The following PIGL variants were observed in gnomAD, a reference collection of about 807,000 sequenced individuals.
The protein encoded by PIGL is N-acetylglucosaminyl-phosphatidylinositol de-N-acetylase.
Under a neutral mutation model 31.1 loss-of-function variants are expected in PIGL, and 22 were observed. The ratio of observed to expected loss-of-function variants is 0.71; its 90% CI spans 0.51 to 1.01. The LOEUF (loss-of-function observed/expected upper bound fraction) is 1.01, where lower values mean the gene tolerates loss of function less well. Ranked by LOEUF, PIGL falls within the 50% of genes least tolerant of loss-of-function variation. The pLI is 0.00. For missense variants in PIGL, 302 were observed against 315.9 expected, an observed-to-expected ratio of 0.96 and a Z score of 0.33; for synonymous variants, 131 against 117.4, an observed-to-expected ratio of 1.12 and a Z score of -0.75.
At chr17:16,282,301 G>A (rs758618564) in intron 2 of PIGL, among the ~76,000 whole-genome samples, 8 of 152,104 alleles carry the variant, frequency 5.3e-5, no homozygotes, top group South Asian at 2.1e-4. Flanking sequence ...GAACATGCAC[G>A]AGGGAGGTAG....
At chr17:16,246,344 T>A (rs1339937837) in intron 2 of PIGL, among the ~76,000 whole-genome samples, 1 of 151,144 alleles carries the variant, frequency 6.6e-6, no homozygotes, top group Non-Finnish European at 1.5e-5. Context: ...AAACCCCGTC[T>A]CTACTAAAAA....
intron 3 of PIGL, among the ~76,000 whole-genome samples, chr17:16,304,100 C>T (rs567262049): frequency 2.6e-5 from 4 of 152,326 alleles, no homozygotes; most frequent in Non-Finnish European, 4.4e-5. Flanking sequence ...CTGGCCTGCA[C>T]TTAGTGCCAT....
intron 2 of PIGL, among the ~76,000 whole-genome samples, chr17:16,236,586 T>C (rs2092700454): frequency 6.6e-6 from 1 of 152,102 alleles, no homozygotes; most frequent in Admixed American, 6.6e-5. Context: ...TTTATTTTTT[T>C]AGACAGAGTC....
At chr17:16,219,303 G>A (rs1191216414) in intron 1 of PIGL, among the ~76,000 whole-genome samples, 1 of 150,510 alleles carries the variant, frequency 6.6e-6, no homozygotes, top group African/African-American at 2.4e-5. Context: ...CTTTTGATCT[G>A]CCCGCCTCAG....
At chr17:16,257,405 A>G (rs375886179) in intron 2 of PIGL, among the ~76,000 whole-genome samples, 5 of 142,782 alleles carry the variant, frequency 3.5e-5, no homozygotes, top group East Asian at 1.9e-4. Flanking sequence ...CGACAAGAGT[A>G]AAACTCCATC....
intron 2 of PIGL, among the ~76,000 whole-genome samples, chr17:16,286,369 G>T (rs1175976823): frequency 3.3e-5 from 5 of 152,204 alleles, no homozygotes; most frequent in Non-Finnish European, 5.9e-5. Flanking sequence ...CTTAGCTGGG[G>T]AGAGGAAAGA....
At chr17:16,272,578 C>T (rs1261881706) in intron 2 of PIGL, among the ~76,000 whole-genome samples, 1 of 152,182 alleles carries the variant, frequency 6.6e-6, no homozygotes, top group East Asian at 1.9e-4. Context: ...GTTATTAATT[C>T]CCCAATGCAT....
intron 2 of PIGL, among the ~76,000 whole-genome samples, chr17:16,281,847 C>A (rs1230219682): frequency 2.0e-5 from 3 of 152,182 alleles, no homozygotes; most frequent in Admixed American, 2.0e-4. Context: ...AGCAGGAGCT[C>A]TGGTACACAG....
At chr17:16,229,563 G>C (rs2092669404) in intron 1 of PIGL, among the ~76,000 whole-genome samples, 2 of 139,278 alleles carry the variant, frequency 1.4e-5, no homozygotes, top group African/African-American at 2.7e-5. Context: ...TTGACAAACT[G>C]TTTTCTGCAG....
At position 16,286,427 on chromosome 17, in the gene PIGL, C is replaced by T. The variant is rs183141946; in HGVS notation, c.336-13461C>T. Among the ~76,000 whole-genome samples, 4 of 152,278 alleles carry T rather than the reference C, an allele frequency of 2.6e-5. No individual in the cohort carries two copies. The East Asian group carries it at 7.7e-4, about 29-fold the overall frequency. On this transcript the variant is annotated intron_variant, in intron 2 of 6. Coordinates refer to ENST00000225609, the MANE Select transcript of PIGL (RefSeq NM_004278.4). ...CCTGGTGACTGAACGGACCCACAAC[C>T]CCACAGATTTTCACAAAGGGTTTCC...
At chr17:16,314,652 C>G (rs1407464703) in intron 4 of PIGL, among the ~76,000 whole-genome samples, 2 of 152,166 alleles carry the variant, frequency 1.3e-5, no homozygotes, top group Non-Finnish European at 2.9e-5. Flanking sequence ...CTAGACTGTT[C>G]TCCCTGTAAA....
chr17:16,310,694 G>A (rs554684672), intron 3 of PIGL, among the ~76,000 whole-genome samples: 48 of 152,146 alleles, frequency 3.2e-4, no homozygotes, highest in African/African-American at 1.0e-3. Context: ...CCACCACCAC[G>A]CCCAGCTCAT....
chr17:16,317,521 A>C (rs2093083083), intron 5 of PIGL: 1 of 1,225,882 alleles, frequency 8.2e-7, no homozygotes, highest in Admixed American at 3.5e-5. Flanking sequence ...CTCAACCTCT[A>C]GCAGCCAACC....
intron 2 of PIGL, among the ~76,000 whole-genome samples, chr17:16,248,599 C>T (rs1266155180): frequency 6.6e-6 from 1 of 152,184 alleles, no homozygotes; most frequent in African/African-American, 2.4e-5. Context: ...TCTCCAGTCT[C>T]CTTTTCCTTT....
intron 2 of PIGL, among the ~76,000 whole-genome samples, chr17:16,294,459 G>C (rs976302110): frequency 6.6e-6 from 1 of 151,958 alleles, no homozygotes; most frequent in Admixed American, 6.6e-5. Context: ...CCCCCAGTAC[G>C]GTTCTCCCCG....
chr17:16,272,059 T>C (rs541292924), intron 2 of PIGL, among the ~76,000 whole-genome samples: 7 of 152,194 alleles, frequency 4.6e-5, no homozygotes, highest in Non-Finnish European at 1.0e-4. Context: ...GCATCTGCTA[T>C]TGGCAACCCT....
intron 2 of PIGL, among the ~76,000 whole-genome samples, chr17:16,243,007 A>G (rs1388990475): frequency 1.3e-5 from 2 of 152,168 alleles, no homozygotes; most frequent in African/African-American, 2.4e-5. Flanking sequence ...TTGATTGACA[A>G]CATATCCAGT....
At chr17:16,290,503 T>G (rs558561186) in intron 2 of PIGL, among the ~76,000 whole-genome samples, 1 of 151,566 alleles carries the variant, frequency 6.6e-6, no homozygotes, top group South Asian at 2.1e-4. Context: ...AAGTGATCCT[T>G]ATGCCTCAGC....
At chr17:16,239,719 TC>T (rs2092714829) in intron 2 of PIGL, among the ~76,000 whole-genome samples, 1 of 152,204 alleles carries the variant, frequency 6.6e-6, no homozygotes, top group East Asian at 1.9e-4. Context: ...ATTGTCTTTG[TC>T]CCAGTGGAGG....
Sources: gnomAD v4.1 joint callset for allele counts (sites outside exome capture counted in the v4.1 genomes callset) on GRCh38, gnomAD v4.1.1 for gene constraint, MANE v1.5 for transcripts, NCBI Gene and HGNC (gene_info 2026-07-23, HGNC 2026-07-21) for gene names.